ELOVL3: variants seen among roughly 807,000 people sequenced by gnomAD.
The protein encoded by ELOVL3 is very long chain fatty acid elongase 3.
ELOVL3 carries 11 observed loss-of-function variants against 14.9 expected under a neutral mutation model. That is an observed-to-expected ratio of 0.74 (90% CI 0.46 to 1.22). ELOVL3 has a LOEUF of 1.22. Among genes scored for constraint, ELOVL3 ranks in the 50% most tolerant of loss-of-function variants. ELOVL3 has a pLI of 0.00. For synonymous variants in ELOVL3, 117 were observed against 124.7 expected, an observed-to-expected ratio of 0.94 and a Z score of 0.41; for missense variants, 277 against 338.9, an observed-to-expected ratio of 0.82 and a Z score of 1.43.
upstream of ELOVL3, among the ~76,000 whole-genome samples, chr10:102,224,972 A>T (rs2070126239): frequency 6.6e-6 from 1 of 152,108 alleles, no homozygotes; most frequent in Non-Finnish European, 1.5e-5. Flanking sequence ...CGAACCACTG[A>T]AGGTTTTTAA....
rs748161170 is a variant in ELOVL3 at position 102,227,697 on chromosome 10, G to A, written c.173G>A (p.Arg58His). 15 of 1,613,572 alleles carry A rather than the reference G, an allele frequency of 9.3e-6. No homozygotes were observed. Among genetic ancestry groups the A allele is most frequent in the East Asian group, 8.9e-5 (4 of 44,854 alleles). Residue 58 changes from arginine (R) to histidine (H), a missense_variant, in exon 2 of 4, where the codon CGC becomes CAC. Arg to His is a conservative substitution (Grantham distance 29, BLOSUM62 0). Transcript: ENST00000370005. ...GTGGGGCAGAACTACATGAAGGAAC[G>A]CAAGGGCTTCAACCTGCAAGGGCCT... Reference protein sequence around the residue: ...IAVGQNYMKERKGFNLQGPLI... With the variant: ...IAVGQNYMKEHKGFNLQGPLI...
intron 1 of ELOVL3, among the ~76,000 whole-genome samples, chr10:102,227,213 C>T (rs1017485287): frequency 2.0e-5 from 3 of 152,070 alleles, no homozygotes; most frequent in African/African-American, 7.2e-5. Context: ...GAAGCTATTG[C>T]CACATTCTTC....
At chr10:102,226,800 T>C (rs1216966243) in intron 1 of ELOVL3, 151 bp downstream of exon 1, 2 of 598,816 alleles carry the variant, frequency 3.3e-6, no homozygotes, top group African/African-American at 3.8e-5. Flanking sequence ...GAGGTGCAGG[T>C]AGTATGTGGC....
rs757644358 is a variant in ELOVL3, at chr10:102,229,277, C to T, written c.*25C>T. The T allele has an allele frequency of 6.3e-7, 1 of 1,577,036 alleles. No homozygotes were observed. Among genetic ancestry groups the T allele is most frequent in the Non-Finnish European group, 8.6e-7 (1 of 1,159,184 alleles). Reference sequence around the variant, plus strand: ...AAGGTTTGGAGAGAACAATGAAGCTCCAGGCTCTCTCTTCTCCAGGGCACC... The same window carrying T: ...AAGGTTTGGAGAGAACAATGAAGCTTCAGGCTCTCTCTTCTCCAGGGCACC... On this transcript the variant is annotated 3_prime_UTR_variant, in exon 4 of 4. Coordinates refer to ENST00000370005, the MANE Select transcript of ELOVL3 (RefSeq NM_152310.3).
At position 102,226,493 on chromosome 10, in the gene ELOVL3, C is replaced by A; in HGVS notation, c.-56C>A. Reference sequence around the variant, plus strand: ...CCCGAGGTTCACGCCATCCTCGGAGCCCCAGCCTTTCACCCAGCGCCTCCA... The same window carrying A: ...CCCGAGGTTCACGCCATCCTCGGAGACCCAGCCTTTCACCCAGCGCCTCCA... On this transcript the variant is annotated 5_prime_UTR_variant, in exon 1 of 4. Transcript: ENST00000370005. 7.8e-7 allele frequency: 1 copy of A among 1,279,684 alleles called. No homozygotes were observed. The highest frequency in any genetic ancestry group is 1.1e-6 in the Non-Finnish European group (1 of 879,004). 79.3% of individuals were successfully genotyped at this position (1,279,684 alleles called of 1,614,324 possible).
rs77398669 is a variant in ELOVL3, at chr10:102,227,133, C to T, written c.101+484C>T. Among the ~76,000 whole-genome samples the T allele has an allele frequency of 4.9e-3, 739 of 152,226 alleles. 3 individuals are homozygous for T. Among genetic ancestry groups the T allele is most frequent in the Non-Finnish European group, 7.7e-3 (521 of 68,008 alleles). On this transcript the variant is annotated intron_variant, in intron 1 of 3. Transcript: ENST00000370005. ...CCCAGGAAGAGCTCTCTGGCTTTGC[C>T]TTAAAGCTCCCCAGAGGTTTTGGAG...
chr10:102,226,459 C>G lies in ELOVL3; in HGVS notation c.-90C>G, dbSNP rs2070136572. 1 of 892,136 alleles carries G rather than the reference C, an allele frequency of 1.1e-6. No individual in the cohort carries two copies. The highest frequency in any genetic ancestry group is 1.7e-5 in the African/African-American group (1 of 60,558). 55.3% of individuals were successfully genotyped at this position (892,136 alleles called of 1,614,324 possible). ...GAGTTCCTTCTGTCCCGGCTCTGTT[C>G]CGTCTCGCCCCGAGGTTCACGCCAT... On this transcript the variant is annotated 5_prime_UTR_variant, in exon 1 of 4. Coordinates refer to ENST00000370005, the MANE Select transcript of ELOVL3 (RefSeq NM_152310.3).
In ELOVL3 at chr10:102,229,210, C is replaced by T. The variant is rs752948799; in HGVS notation, c.771C>T (p.Thr257=). The T allele has an allele frequency of 1.2e-6, 2 of 1,613,632 alleles. No individual in the cohort carries two copies. Among genetic ancestry groups the T allele is most frequent in the Non-Finnish European group, 8.5e-7 (1 of 1,179,838 alleles). ...FILFAHFFCQ[T]YIRPKVKAKT... is the part of the protein sequence containing the mutation. ...TCTTTGCCCACTTCTTCTGCCAGAC[C>T]TACATCAGGCCCAAGGTCAAAGCCA... Residue 257 remains threonine (T), a synonymous_variant, in exon 4 of 4, where the codon ACC becomes ACT. Transcript: ENST00000370005.
Position 102,229,301 on chromosome 10 carries a change from C to G in ELOVL3, c.*49C>G. ...TCCAGGCTCTCTCTTCTCCAGGGCA[C>G]CAAGAGGCTGGGCTTAGTTTTGGGA... On this transcript the variant is annotated 3_prime_UTR_variant, in exon 4 of 4. Transcript: ENST00000370005. The G allele has an allele frequency of 6.5e-7, 1 of 1,528,400 alleles. No individual in the cohort carries two copies. The highest frequency in any genetic ancestry group is 8.8e-7 in the Non-Finnish European group (1 of 1,130,500). The allele number at this position is 1,528,400 out of a possible 1,614,324, so 94.7% of individuals were successfully genotyped here.
chr10:102,226,578 A>G lies in ELOVL3; in HGVS notation c.30A>G (p.Glu10=). 6.2e-7 allele frequency: 1 copy of G among 1,614,106 alleles called. No individual in the cohort carries two copies. Among genetic ancestry groups the G allele is most frequent in the Non-Finnish European group, 8.5e-7 (1 of 1,179,990 alleles). The change falls in exon 1 of 4, where the codon GAA becomes GAG. Residue 10 remains glutamate (E), a synonymous_variant. Transcript: ENST00000370005. MVTAMNVSH[E]VNQLFQPYNF... Reference sequence around the variant, plus strand: ...TCACAGCCATGAATGTCTCACATGAAGTAAATCAGCTGTTCCAGCCCTATA... The same window carrying G: ...TCACAGCCATGAATGTCTCACATGAGGTAAATCAGCTGTTCCAGCCCTATA...
rs527272171 is a variant in ELOVL3 at position 102,228,763 on chromosome 10, T to C, written c.386-62T>C. 48 of 1,507,566 alleles carry C rather than the reference T, an allele frequency of 3.2e-5. No individual in the cohort carries two copies. In the Admixed American group the frequency reaches 8.4e-4, roughly 26 times the overall value. The allele number at this position is 1,507,566 out of a possible 1,614,324, so 93.4% of individuals were successfully genotyped here. ...TGAGAATTTCTCCCGTGTCCCTACA[T>C]CCAGTGCAGAGGGTGGTCCCAGCAC... On this transcript the variant is annotated intron_variant, in intron 3 of 3. Transcript: ENST00000370005.
rs2070138260 is a variant in ELOVL3 at position 102,226,612 on chromosome 10, C to A, written c.64C>A (p.Leu22Met). 6.2e-7 allele frequency: 1 copy of A among 1,614,016 alleles called. No individual in the cohort carries two copies. The highest frequency in any genetic ancestry group is 8.5e-7 in the Non-Finnish European group (1 of 1,179,962). The change falls in exon 1 of 4, where the codon CTG becomes ATG. Residue 22 changes from leucine to methionine, a missense_variant. Physicochemically the swap from Leu to Met is conservative, Grantham distance 15. Transcript: ENST00000370005. ...GCTGTTCCAGCCCTATAACTTCGAG[C>A]TGTCCAAGGACATGAGGCCCTTTTT... is the stretch of plus-strand genomic sequence containing the variant. ...NQLFQPYNFELSKDMRPFFEE... is the reference protein window; with the variant it reads ...NQLFQPYNFEMSKDMRPFFEE...
Position 102,229,014 on chromosome 10 carries a change from T to C in ELOVL3, c.575T>C (p.Val192Ala). 1.2e-6 allele frequency: 2 copies of C among 1,614,168 alleles called. No homozygotes were observed. The highest frequency in any genetic ancestry group is 1.7e-6 in the Non-Finnish European group (2 of 1,180,026). The change falls in exon 4 of 4, where the codon GTG becomes GCG. Residue 192 changes from valine to alanine, a missense_variant. By Grantham distance (64) the Val-to-Ala change is moderately conservative (BLOSUM62 0). Transcript: ENST00000370005. ...YTYYTLKAAN[V>A]KPPKMLPMLI... The stretch of plus-strand genomic sequence containing the variant: ...TACTACACTCTGAAGGCTGCCAACG[T>C]GAAGCCCCCCAAGATGCTGCCCATG...
upstream of ELOVL3, among the ~76,000 whole-genome samples, chr10:102,225,569 A>C (rs1428974452): frequency 6.6e-6 from 1 of 152,150 alleles, no homozygotes; most frequent in Non-Finnish European, 1.5e-5. Flanking sequence ...CACAGGCGAG[A>C]AAGAAGTAGA....
At position 102,229,163 on chromosome 10, in the gene ELOVL3, T is replaced by C. The variant is rs1029109258; in HGVS notation, c.724T>C (p.Leu242=). 2 of 1,613,998 alleles carry C rather than the reference T, an allele frequency of 1.2e-6. No homozygotes were observed. Among genetic ancestry groups the C allele is most frequent in the Non-Finnish European group, 1.7e-6 (2 of 1,180,042 alleles). Residue 242 remains leucine, a synonymous_variant, in exon 4 of 4, where the codon TTG becomes CTG. Coordinates refer to ENST00000370005, the MANE Select transcript of ELOVL3 (RefSeq NM_152310.3). The part of the protein sequence containing the change: ...TMEHLFWSFI[L]YMTYFILFAH... Reference sequence around the variant, plus strand: ...GGAACACTTATTCTGGTCCTTCATCTTGTATATGACCTATTTCATCCTCTT... The same window carrying C: ...GGAACACTTATTCTGGTCCTTCATCCTGTATATGACCTATTTCATCCTCTT...
At position 102,229,201 on chromosome 10, in the gene ELOVL3, C is replaced by T. The variant is rs2070173998; in HGVS notation, c.762C>T (p.Phe254=). The change falls in exon 4 of 4, where the codon TTC becomes TTT. Residue 254 remains phenylalanine, a synonymous_variant. Transcript: ENST00000370005. ...ATTTCATCCTCTTTGCCCACTTCTT[C>T]TGCCAGACCTACATCAGGCCCAAGG... The part of the protein sequence containing the change: ...MTYFILFAHF[F]CQTYIRPKVK... The T allele has an allele frequency of 6.2e-7, 1 of 1,613,948 alleles. No homozygotes were observed. The highest frequency in any genetic ancestry group is 8.5e-7 in the Non-Finnish European group (1 of 1,179,956).
intron 3 of ELOVL3, 41 bp downstream of exon 3, chr10:102,228,609 G>T (rs373678846): frequency 8.0e-5 from 129 of 1,607,176 alleles, no homozygotes; most frequent in Non-Finnish European, 4.9e-5. Context: ...CTTGTGAACT[G>T]CATCCTTCCT....
Position 102,229,318 on chromosome 10 carries a change from G to T in ELOVL3, c.*66G>T. ...CCAGGGCACCAAGAGGCTGGGCTTA[G>T]TTTTGGGAGAATGATTAGGTTGCCT... is the stretch of plus-strand genomic sequence containing the variant. On this transcript the variant is annotated 3_prime_UTR_variant, in exon 4 of 4. Coordinates refer to ENST00000370005, the MANE Select transcript of ELOVL3 (RefSeq NM_152310.3). 6 of 1,464,066 alleles carry T rather than the reference G, an allele frequency of 4.1e-6. No individual in the cohort carries two copies. Among genetic ancestry groups the T allele is most frequent in the Non-Finnish European group, 5.5e-6 (6 of 1,085,884 alleles). The allele number at this position is 1,464,066 out of a possible 1,614,324, so 90.7% of individuals were successfully genotyped here. A position where few individuals can be genotyped will look rare whatever the true frequency, so the allele number is the denominator to read the frequency against.
At chr10:102,228,700 C>T (rs1459058382) in intron 3 of ELOVL3, 125 bp from the exon 4 acceptor site, 1 of 1,420,380 alleles carries the variant, frequency 7.0e-7, no homozygotes, top group African/African-American at 1.4e-5. Flanking sequence ...CCAAGCCCCT[C>T]TACAGATTCT....
Sources: allele counts gnomAD v4.1 joint callset (sites outside exome capture counted in the v4.1 genomes callset), GRCh38; gene constraint gnomAD v4.1.1; transcripts MANE v1.5; gene names NCBI Gene and HGNC (gene_info 2026-07-23, HGNC 2026-07-21).